PCDHA13: variants seen among roughly 807,000 people sequenced by gnomAD.
PCDHA13 encodes protocadherin alpha-13.
In PCDHA13, 54 loss-of-function variants were observed where a neutral mutation model predicts 64.8. The ratio of observed to expected loss-of-function variants is 0.83; its 90% CI spans 0.67 to 1.04. The LOEUF is 1.04. Ranked by LOEUF, PCDHA13 falls within the 50% of genes least tolerant of loss-of-function variation. The pLI is 0.00. For synonymous variants in PCDHA13, 587 were observed against 564.4 expected, an observed-to-expected ratio of 1.04 and a Z score of -0.57; for missense variants, 1,248 against 1,254.3, an observed-to-expected ratio of 0.99 and a Z score of 0.08.
At chr5:140,917,650 T>C (rs897307157) in intron 1 of PCDHA13, among the ~76,000 whole-genome samples, 1 of 152,226 alleles carries the variant, frequency 6.6e-6, no homozygotes. Context: ...CCAGCAATAT[T>C]GAGTAGGAAG....
intron 1 of PCDHA13, among the ~76,000 whole-genome samples, chr5:140,941,248 T>TTTCTTTC (rs2092963388): frequency 1.4e-5 from 2 of 141,492 alleles, no homozygotes; most frequent in African/African-American, 5.3e-5. Context: ...TCTTTCTTTC[T>TTTCTTTC]TTCTTTCTCT....
intron 1 of PCDHA13, among the ~76,000 whole-genome samples, chr5:140,939,456 T>C (rs1554212738): frequency 6.6e-6 from 1 of 152,206 alleles, no homozygotes; most frequent in Non-Finnish European, 1.5e-5. Flanking sequence ...GTGAAATTTA[T>C]AGGCCTAGAA....
chr5:140,928,570 C>T (rs2085340367), intron 1 of PCDHA13: 1 of 1,614,196 alleles, frequency 6.2e-7, no homozygotes, highest in African/African-American at 1.3e-5. Context: ...GTTTCCCTTG[C>T]CCAGAAATGG....
chr5:140,913,531 A>T (rs1451484656), intron 1 of PCDHA13, among the ~76,000 whole-genome samples: 1 of 151,914 alleles, frequency 6.6e-6, no homozygotes, highest in Admixed American at 6.6e-5. Flanking sequence ...TTTTCAAAAG[A>T]TTGACTTTTT....
intron 1 of PCDHA13, among the ~76,000 whole-genome samples, chr5:140,972,725 G>A (rs985697414): frequency 2.7e-5 from 4 of 146,408 alleles, no homozygotes; most frequent in African/African-American, 7.7e-5. Context: ...GTGCAGTGGC[G>A]TAATCCCGGC....
At chr5:140,965,039 C>G (rs1237802301) in intron 1 of PCDHA13, among the ~76,000 whole-genome samples, 6 of 152,236 alleles carry the variant, frequency 3.9e-5, no homozygotes, top group African/African-American at 1.2e-4. Context: ...ACTGTCCGCT[C>G]TAGGAGGGAA....
At chr5:140,901,022 A>G (rs2068415143) in intron 1 of PCDHA13, among the ~76,000 whole-genome samples, 1 of 152,166 alleles carries the variant, frequency 6.6e-6, no homozygotes, top group Non-Finnish European at 1.5e-5. Flanking sequence ...AGAAACATCT[A>G]TTCAACTCTT....
Position 140,901,601 on chromosome 5 carries a change from A to T in PCDHA13, c.2394+16939A>T, listed in dbSNP as rs1448240708. Among the ~76,000 whole-genome samples, 3 of 152,078 alleles carry T rather than the reference A, an allele frequency of 2.0e-5. 1 individual carries two copies. The highest frequency in any genetic ancestry group is 1.3e-4 in the Admixed American group (2 of 15,264). On this transcript the variant is annotated intron_variant, in intron 1 of 3. Transcript: ENST00000289272. Reference sequence around the variant, plus strand: ...AGTGCCATGATGTTTTGGTTACTATATCTCTATGGTATAATTTGAAGTCAG... The same window carrying T: ...AGTGCCATGATGTTTTGGTTACTATTTCTCTATGGTATAATTTGAAGTCAG...
Position 141,000,395 on chromosome 5 carries a change from C to CTA in PCDHA13, c.2543-9206_2543-9205dup, listed in dbSNP as rs1190667031. 1.6e-3 allele frequency among the ~76,000 whole-genome samples: 89 copies of CTA among 53,960 alleles called. 3 individuals carry two copies. Among genetic ancestry groups the CTA allele is most frequent in the Non-Finnish European group, 2.3e-3 (71 of 31,108 alleles). 35.4% of individuals were successfully genotyped at this position (53,960 alleles called of 152,430 possible). A position where few individuals can be genotyped will look rare whatever the true frequency, so the allele number is the denominator to read the frequency against. ...TCTCTCTCTCTCTCTCTCTCTCTCT[C>CTA]TATATATATATATATATATATATAT... On this transcript the variant is annotated intron_variant, in intron 3 of 3. Coordinates refer to ENST00000289272, the MANE Select transcript of PCDHA13 (RefSeq NM_018904.3).
At chr5:140,981,725 A>T (rs1554243280) in intron 2 of PCDHA13, among the ~76,000 whole-genome samples, 1 of 151,396 alleles carries the variant, frequency 6.6e-6, no homozygotes, top group Non-Finnish European at 1.5e-5. Context: ...TCCAACAAAT[A>T]TTTGAGAGAT....
At chr5:140,931,471 G>GA (rs1215090719) in intron 1 of PCDHA13, among the ~76,000 whole-genome samples, 9 of 151,796 alleles carry the variant, frequency 5.9e-5, no homozygotes, top group Non-Finnish European at 1.0e-4. Context: ...AATGACAGAG[G>GA]AAAAAACAAC....
intron 1 of PCDHA13, among the ~76,000 whole-genome samples, chr5:140,889,975 T>A (rs2062445806): frequency 6.6e-6 from 1 of 152,182 alleles, no homozygotes; most frequent in African/African-American, 2.4e-5. Flanking sequence ...CTATCCAGTC[T>A]CCAGTTGTCT....
intron 1 of PCDHA13, among the ~76,000 whole-genome samples, chr5:140,916,214 C>A (rs1294292456): frequency 6.6e-6 from 1 of 152,266 alleles, no homozygotes; most frequent in African/African-American, 2.4e-5. Flanking sequence ...TGGGGAAGAT[C>A]CAAATATGCT....
chr5:140,959,254 G>A (rs1318438220), intron 1 of PCDHA13, among the ~76,000 whole-genome samples: 3 of 152,054 alleles, frequency 2.0e-5, no homozygotes, highest in Non-Finnish European at 2.9e-5. Context: ...GTGCATGACT[G>A]TAGTCCCAGC....
At chr5:140,951,523 G>A (rs868992487) in intron 1 of PCDHA13, among the ~76,000 whole-genome samples, 1 of 151,994 alleles carries the variant, frequency 6.6e-6, no homozygotes, top group Non-Finnish European at 1.5e-5. Context: ...ATCTTACATG[G>A]CCGGTGCAGG....
At chr5:140,982,367 G>A in intron 2 of PCDHA13, 108 bp from the exon 3 acceptor site, 1 of 1,544,446 alleles carries the variant, frequency 6.5e-7, no homozygotes, top group Non-Finnish European at 8.7e-7. Context: ...AGCAGAATGT[G>A]TTAGCTGCAG....
chr5:140,942,944 T>C (rs368380576), intron 1 of PCDHA13, among the ~76,000 whole-genome samples: 1 of 151,862 alleles, frequency 6.6e-6, no homozygotes, highest in African/African-American at 2.4e-5. Context: ...GTTTAAAGTG[T>C]AGACGTTCTG....
In PCDHA13 at chr5:140,884,166, C is replaced by T; in HGVS notation, c.1898C>T (p.Thr633Met). ...RVGLYTGEIS[T>M]TRPLDEVDAP... ...GGGCTGTACACTGGCGAGATCAGCACGACGCGCCCTCTGGACGAGGTGGAC... is the reference window on the plus strand; with the variant it reads ...GGGCTGTACACTGGCGAGATCAGCATGACGCGCCCTCTGGACGAGGTGGAC... The change falls in exon 1 of 4, where the codon ACG becomes ATG. Residue 633 changes from threonine to methionine, a missense_variant. By Grantham distance (81) the Thr-to-Met change is moderately conservative. Transcript: ENST00000289272. The T allele has an allele frequency of 1.2e-6, 2 of 1,613,430 alleles. No homozygotes were observed. The highest frequency in any genetic ancestry group is 1.7e-6 in the Non-Finnish European group (2 of 1,179,736).
intron 3 of PCDHA13, among the ~76,000 whole-genome samples, chr5:140,985,438 C>T (rs1438547429): frequency 2.0e-5 from 3 of 152,038 alleles, no homozygotes; most frequent in Non-Finnish European, 2.9e-5. Flanking sequence ...TTAGTTGCTG[C>T]CTGAAGAAAA....
Sources: allele counts gnomAD v4.1 joint callset (sites outside exome capture counted in the v4.1 genomes callset), GRCh38; gene constraint gnomAD v4.1.1; transcripts MANE v1.5; gene names NCBI Gene and HGNC (gene_info 2026-07-23, HGNC 2026-07-21).